Variants in TBCD observed in about 807,000 individuals in gnomAD.
TBCD encodes the protein tubulin folding cofactor D, also known as tubulin-specific chaperone D.
In TBCD, 105 loss-of-function variants were observed where a neutral mutation model predicts 169.3. The ratio of observed to expected loss-of-function variants is 0.62; its 90% CI spans 0.53 to 0.73. The LOEUF (loss-of-function observed/expected upper bound fraction) is 0.73, where lower values mean the gene tolerates loss of function less well. TBCD is among the 30% of genes least tolerant of loss of function. TBCD has a pLI of 0.00. For missense variants in TBCD, 1,444 were observed against 1,600.1 expected, an observed-to-expected ratio of 0.90 and a Z score of 1.66; for synonymous variants, 700 against 643.9, an observed-to-expected ratio of 1.09 and a Z score of -1.32.
At chr17:82,942,203 G>T in intron 38 of TBCD, 1 of 576,368 alleles carries the variant, frequency 1.7e-6, no homozygotes, top group East Asian at 2.9e-5. Context: ...GTGAATGCAG[G>T]TTAAGAGCAG....
At chr17:82,940,217 GCGCGCACACACACA>G (rs2063016096) in intron 37 of TBCD, among the ~76,000 whole-genome samples, 1 of 101,382 alleles carries the variant, frequency 9.9e-6, no homozygotes, top group South Asian at 3.1e-4. Flanking sequence ...TCACTTGCAC[GCGCGCACACACACA>G]CACACACACA....
At chr17:82,860,460 T>G in intron 13 of TBCD, 2 of 985,098 alleles carry the variant, frequency 2.0e-6, no homozygotes, top group Non-Finnish European at 2.4e-6. Flanking sequence ...GTGGGTTTCA[T>G]TAACAATGAC....
chr17:82,929,700 C>G, intron 32 of TBCD, 200 bp downstream of exon 32: 1 of 753,152 alleles, frequency 1.3e-6, no homozygotes, highest in Non-Finnish European at 2.3e-6. Flanking sequence ...ATGGTTGAGT[C>G]TGATGAAGGT....
rs1374736924 is a variant in TBCD at position 82,889,368 on chromosome 17, C to T, written c.1534-300C>T. Among the ~76,000 whole-genome samples, 2 of 152,142 alleles carry T rather than the reference C, an allele frequency of 1.3e-5. No individual in the cohort carries two copies. The highest frequency in any genetic ancestry group is 2.9e-5 in the Non-Finnish European group (2 of 68,016). ...GCTTTGATTTAACCTGCCTGTCTGT[C>T]TCTCTGAGTTGACAGCCGGGGCCTC... is the stretch of plus-strand genomic sequence containing the variant. On this transcript the variant is annotated intron_variant, in intron 15 of 38. Transcript: ENST00000355528. The surrounding 1 kb of genome is among the most constrained non-coding windows in gnomAD (Gnocchi z 5.3).
intron 13 of TBCD, among the ~76,000 whole-genome samples, chr17:82,817,537 T>TCCC (rs199824331): frequency 6.6e-6 from 1 of 152,058 alleles, no homozygotes; most frequent in South Asian, 2.1e-4. Context: ...GCTCAAGCGA[T>TCCC]CCCCCCGCTT....
chr17:82,870,207 C>T lies in TBCD; in HGVS notation c.1319-17C>T. ...TGTGGTCTGCTCCTCACCGTCTTTT[C>T]TCTTGTCCTTGCCCAGTTGTCGCCG... On this transcript the variant is annotated splice_polypyrimidine_tract_variant and intron_variant, in intron 13 of 38. Coordinates refer to ENST00000355528, the MANE Select transcript of TBCD (RefSeq NM_005993.5). The T allele has an allele frequency of 1.2e-6, 2 of 1,612,510 alleles. No homozygotes were observed. Among genetic ancestry groups the T allele is most frequent in the Non-Finnish European group, 1.7e-6 (2 of 1,179,854 alleles).
chr17:82,772,529 C>G (rs1463005689), intron 6 of TBCD, 22 bp downstream of exon 6: 1 of 1,613,752 alleles, frequency 6.2e-7, no homozygotes, highest in Non-Finnish European at 8.5e-7. Context: ...TGGCACATTT[C>G]TTGGTGTGTG....
chr17:82,931,693 C>T (rs1029703050), intron 33 of TBCD, among the ~76,000 whole-genome samples: 5 of 152,242 alleles, frequency 3.3e-5, no homozygotes, highest in African/African-American at 7.2e-5. Context: ...GCCTCCCTCT[C>T]TGTGGGCTGC....
intron 2 of TBCD, among the ~76,000 whole-genome samples, chr17:82,761,715 T>TTTC (rs35211519): frequency 0.86 from 128,014 of 148,722 alleles, 55,266 homozygotes; most frequent in South Asian, 0.96. Context: ...TCACAATTTG[T>TTTC]TTCTTCTTTT....
chr17:82,801,094 T>G, intron 9 of TBCD, 98 bp downstream of exon 9: 1 of 709,962 alleles, frequency 1.4e-6, no homozygotes, highest in Non-Finnish European at 1.6e-6. Context: ...CAGGTGCTGT[T>G]GGGGCAGGTG....
At chr17:82,790,945 C>A (rs1363379933) in intron 7 of TBCD, among the ~76,000 whole-genome samples, 1 of 152,114 alleles carries the variant, frequency 6.6e-6, no homozygotes, top group Non-Finnish European at 1.5e-5. Flanking sequence ...CCTGCAAAGC[C>A]ACTGCTCTTT....
Position 82,831,654 on chromosome 17 carries a change from C to T in TBCD, c.1318+16720C>T. Reference sequence around the variant, plus strand: ...AGACTGACAGCAGGGGTGCGTCACACTCAGGCGAGCTCCCAGCCAGCAGGT... The same window carrying T: ...AGACTGACAGCAGGGGTGCGTCACATTCAGGCGAGCTCCCAGCCAGCAGGT... On this transcript the variant is annotated intron_variant, in intron 13 of 38. Transcript: ENST00000355528. This position sits in a 1 kb window ranked among gnomAD's most constrained non-coding sequence, Gnocchi z 4.6. 1 of 1,614,142 alleles carries T rather than the reference C, an allele frequency of 6.2e-7. No individual in the cohort carries two copies. Among genetic ancestry groups the T allele is most frequent in the East Asian group, 2.2e-5 (1 of 44,880 alleles).
In TBCD at chr17:82,832,267, G is replaced by A; in HGVS notation, c.1318+17333G>A. 6.2e-7 allele frequency: 1 copy of A among 1,614,226 alleles called. No individual in the cohort carries two copies. Among genetic ancestry groups the A allele is most frequent in the Non-Finnish European group, 8.5e-7 (1 of 1,180,044 alleles). ...TAGTGAGTTAGATTTAGGGCACTTG[G>A]GAACTCGATCCTGCTCTGATACTAA... On this transcript the variant is annotated intron_variant, in intron 13 of 38. Transcript: ENST00000355528. This position sits in a 1 kb window ranked among gnomAD's most constrained non-coding sequence, Gnocchi z 4.9.
intron 7 of TBCD, among the ~76,000 whole-genome samples, chr17:82,787,670 T>C (rs1035976291): frequency 2.0e-5 from 3 of 152,228 alleles, no homozygotes; most frequent in Non-Finnish European, 2.9e-5. Flanking sequence ...CTTGGCTTCA[T>C]TGTCATCCAC....
intron 28 of TBCD, 63 bp downstream of exon 28, chr17:82,926,554 A>G: frequency 7.1e-7 from 1 of 1,415,486 alleles, no homozygotes; most frequent in Non-Finnish European, 9.9e-7. Flanking sequence ...ATGAACGCTA[A>G]GGGGGATGTT....
chr17:82,834,145 G>C (rs567568291), intron 13 of TBCD, among the ~76,000 whole-genome samples: 2 of 152,072 alleles, frequency 1.3e-5, no homozygotes, highest in Non-Finnish European at 2.9e-5. Flanking sequence ...ACGGGGTTTT[G>C]CCATGTGGGC....
chr17:82,753,033 C>A (rs1293914643), intron 1 of TBCD, among the ~76,000 whole-genome samples: 1 of 152,152 alleles, frequency 6.6e-6, no homozygotes, highest in Non-Finnish European at 1.5e-5. Context: ...TTCAGACCCA[C>A]CTTTACCGCT....
rs1422896489 is a variant in TBCD at position 82,835,589 on chromosome 17, A to C, written c.1318+20655A>C. The stretch of plus-strand genomic sequence containing the variant: ...AGGTGCCTACCACCACGCCCAGCTA[A>C]TTTTTTTGTAATTTTAGTAGAGATG... On this transcript the variant is annotated intron_variant, in intron 13 of 38. Coordinates refer to ENST00000355528, the MANE Select transcript of TBCD (RefSeq NM_005993.5). The surrounding 1 kb of genome is among the most constrained non-coding windows in gnomAD (Gnocchi z 4.5). Among the ~76,000 whole-genome samples the C allele has an allele frequency of 6.6e-6, 1 of 151,534 alleles. No homozygotes were observed. The highest frequency in any genetic ancestry group is 6.6e-5 in the Admixed American group (1 of 15,192).
At chr17:82,827,017 C>T (rs993675417) in intron 13 of TBCD, among the ~76,000 whole-genome samples, 5 of 152,184 alleles carry the variant, frequency 3.3e-5, no homozygotes, top group African/African-American at 4.8e-5. Flanking sequence ...GCAATCCATC[C>T]GCTTTGGCCT....
Sources: gnomAD v4.1 joint callset for allele counts (sites outside exome capture counted in the v4.1 genomes callset) on GRCh38, gnomAD v4.1.1 for gene constraint, Gnocchi (gnomAD v3.1) non-coding constraint, MANE v1.5 for transcripts, NCBI Gene and HGNC (gene_info 2026-07-23, HGNC 2026-07-21) for gene names.